Variants in NBN observed in about 807,000 individuals in gnomAD.
The protein encoded by NBN is nibrin.
Under a neutral mutation model 90.8 loss-of-function variants are expected in NBN, and 88 were observed. The ratio of observed to expected loss-of-function variants is 0.97; its 90% CI spans 0.82 to 1.16. NBN has a LOEUF of 1.16. Ranked by LOEUF, NBN falls within the 50% of genes most tolerant of loss-of-function variation. The pLI, the probability that NBN is intolerant of heterozygous loss-of-function variation, is 0.00. For missense variants in NBN, 894 were observed against 869.6 expected, an observed-to-expected ratio of 1.03 and a Z score of -0.35; for synonymous variants, 328 against 295.1, an observed-to-expected ratio of 1.11 and a Z score of -1.14.
intron 10 of NBN, among the ~76,000 whole-genome samples, chr8:89,953,907 T>A (rs1298515817): frequency 2.6e-5 from 4 of 152,154 alleles, no homozygotes; most frequent in African/African-American, 9.6e-5. Flanking sequence ...ACCCTGTGGC[T>A]AAAGCAGTAC....
chr8:89,979,017 G>T (rs541481419), intron 4 of NBN, among the ~76,000 whole-genome samples: 1 of 152,316 alleles, frequency 6.6e-6, no homozygotes, highest in South Asian at 2.1e-4. Flanking sequence ...TCGCTCTGTT[G>T]TCCAGGCTGG....
At chr8:89,935,759 C>A in intron 15 of NBN, 147 bp from the exon 16 acceptor site, 4 of 909,074 alleles carry the variant, frequency 4.4e-6, no homozygotes, top group South Asian at 1.6e-5. Context: ...TAAGCACTGA[C>A]ATTTTTATTT....
intron 11 of NBN, among the ~76,000 whole-genome samples, chr8:89,951,442 T>C (rs780595535): frequency 2.6e-5 from 4 of 151,516 alleles, no homozygotes; most frequent in Admixed American, 6.6e-5. Context: ...GTGGCCAAAG[T>C]AATGTAAAAA....
In NBN at chr8:89,934,452, T is replaced by A. The variant is rs1007927715; in HGVS notation, c.*1130A>T. Reference sequence around the variant, plus strand: ...ACTCCCTTGCAGCTGGAGTTCCACCTGCAAGCAGCCAGAACTTGGAAGTAA... The same window carrying A: ...ACTCCCTTGCAGCTGGAGTTCCACCAGCAAGCAGCCAGAACTTGGAAGTAA... On this transcript the variant is annotated 3_prime_UTR_variant, in exon 16 of 16. Coordinates refer to ENST00000265433, the MANE Select transcript of NBN (RefSeq NM_002485.5). The A allele has an allele frequency of 4.3e-6, 1 of 232,976 alleles. No individual in the cohort carries two copies. Among genetic ancestry groups the A allele is most frequent in the Admixed American group, 5.6e-5 (1 of 17,782 alleles). 14.4% of individuals were successfully genotyped at this position (232,976 alleles called of 1,614,324 possible).
chr8:89,971,406 ATTTT>A (rs1157177574), intron 5 of NBN, 116 bp from the exon 6 acceptor site: 20 of 1,202,768 alleles, frequency 1.7e-5, no homozygotes, highest in Non-Finnish European at 2.2e-5. Flanking sequence ...CCTTTATAGT[ATTTT>A]TTTTAAGTAA....
rs1569162 is a variant in NBN, at chr8:89,962,363, T to C, written c.994+2047A>G. Among the ~76,000 whole-genome samples the C allele has an allele frequency of 7.1e-3, 1,073 of 150,372 alleles. 14 individuals are homozygous for C. Among genetic ancestry groups the C allele is most frequent in the African/African-American group, 0.025 (1,008 of 39,704 alleles). ...GACTTAGACCTAATCACCGTTTTTA[T>C]ATGTTTGTTGTAATTAAAGTCTAAA... is the stretch of plus-strand genomic sequence containing the variant. On this transcript the variant is annotated intron_variant, in intron 8 of 15. Coordinates refer to ENST00000265433, the MANE Select transcript of NBN (RefSeq NM_002485.5).
chr8:89,949,424 T>G (rs1810341556), intron 11 of NBN, among the ~76,000 whole-genome samples: 1 of 152,126 alleles, frequency 6.6e-6, no homozygotes, highest in East Asian at 1.9e-4. Flanking sequence ...ATGCTTGACT[T>G]GAGAAAGGAG....
rs1064795037 is a variant in NBN, at chr8:89,981,454, C to G, written c.241G>C (p.Glu81Gln). 3.1e-6 allele frequency: 5 copies of G among 1,614,012 alleles called. No individual in the cohort carries two copies. The highest frequency in any genetic ancestry group is 4.2e-6 in the Non-Finnish European group (5 of 1,179,922). Residue 81 changes from glutamate to glutamine, a missense_variant, in exon 3 of 16, where the codon GAA (glutamate) becomes CAA (glutamine). By Grantham distance (29) the Glu-to-Gln change is conservative (BLOSUM62 2). Coordinates refer to ENST00000265433, the MANE Select transcript of NBN (RefSeq NM_002485.5). ...CGGGAAAAGCCATTCTGCATTTTTT[C>G]CTCATTAACAAAGGTACCATACTTA... ...NSKYGTFVNEEKMQNGFSRTL... is the reference protein window; with the variant it reads ...NSKYGTFVNEQKMQNGFSRTL...
chr8:89,958,938 A>T (rs892582767), intron 8 of NBN, 84 bp from the exon 9 acceptor site: 1 of 1,541,478 alleles, frequency 6.5e-7, no homozygotes, highest in Non-Finnish European at 8.9e-7. Context: ...GTTAGACTAT[A>T]CCATGCTGAG....
At chr8:89,936,702 T>G (rs1809700269) in intron 15 of NBN, among the ~76,000 whole-genome samples, 1 of 152,250 alleles carries the variant, frequency 6.6e-6, no homozygotes, top group Non-Finnish European at 1.5e-5. Context: ...TTACTTGTCT[T>G]AATTCAAAAC....
intron 5 of NBN, among the ~76,000 whole-genome samples, chr8:89,972,369 G>T (rs144986751): frequency 4.2e-4 from 64 of 152,298 alleles, no homozygotes; most frequent in African/African-American, 1.5e-3. Context: ...ATGATTTCTG[G>T]AAGCTGCAAT....
intron 9 of NBN, among the ~76,000 whole-genome samples, chr8:89,956,968 G>A (rs886576818): frequency 6.6e-6 from 1 of 152,134 alleles, no homozygotes; most frequent in East Asian, 1.9e-4. Flanking sequence ...GCTGCCAATT[G>A]TATAAAAGTA....
chr8:89,946,578 A>G (rs1309283400), intron 12 of NBN: 1 of 344,370 alleles, frequency 2.9e-6, no homozygotes, highest in African/African-American at 2.1e-5. Context: ...TAGTTATTCT[A>G]ATAAATATCA....
chr8:89,967,677 G>A (rs1162934190), intron 7 of NBN, among the ~76,000 whole-genome samples: 1 of 152,094 alleles, frequency 6.6e-6, no homozygotes, highest in African/African-American at 2.4e-5. Context: ...CCGGAAAAAG[G>A]TCTCAGCAAG....
chr8:89,937,281 A>T (rs1404753823), intron 14 of NBN: 1 of 565,720 alleles, frequency 1.8e-6, no homozygotes, highest in Admixed American at 3.0e-5. Flanking sequence ...GCTCTAACTA[A>T]ACAGCTTTCT....
intron 8 of NBN, among the ~76,000 whole-genome samples, chr8:89,959,583 T>A (rs1392478636): frequency 6.6e-6 from 1 of 151,142 alleles, no homozygotes; most frequent in Non-Finnish European, 1.5e-5. Context: ...GGAGACCCCA[T>A]CTCTACAAAA....
intron 11 of NBN, among the ~76,000 whole-genome samples, chr8:89,952,634 A>G (rs1488808965): frequency 6.6e-6 from 1 of 152,200 alleles, no homozygotes; most frequent in East Asian, 1.9e-4. Flanking sequence ...ACAGCCATGA[A>G]TGAGTGGAGC....
chr8:89,979,855 G>T (rs951458141), intron 4 of NBN, among the ~76,000 whole-genome samples: 10 of 152,096 alleles, frequency 6.6e-5, no homozygotes, highest in African/African-American at 2.4e-4. Context: ...AACTACCTTT[G>T]ATTGTATTTC....
chr8:89,950,748 GTTTC>G (rs35136798), intron 11 of NBN, among the ~76,000 whole-genome samples: 76,627 of 151,450 alleles, frequency 0.51, 21,673 homozygotes, highest in African/African-American at 0.77. Context: ...TTAAATGAAA[GTTTC>G]TTTCGGTCTA....
Sources: allele counts gnomAD v4.1 joint callset (sites outside exome capture counted in the v4.1 genomes callset), GRCh38; gene constraint gnomAD v4.1.1; transcripts MANE v1.5; gene names NCBI Gene and HGNC (gene_info 2026-07-23, HGNC 2026-07-21).